Variants in CREBRF observed in about 807,000 individuals in gnomAD.
The protein encoded by CREBRF is UPF0474 protein C5orf41.
A neutral mutation model predicts 66.1 loss-of-function variants in CREBRF; 5 were observed. The ratio of observed to expected loss-of-function variants is 0.08; its 90% CI spans 0.04 to 0.16. The LOEUF is 0.16. Among genes scored for constraint, CREBRF ranks in the 10% least tolerant of loss-of-function variants. The pLI is 1.00. For synonymous variants in CREBRF, 229 were observed against 264.4 expected (o/e 0.87, Z 1.30); for missense variants, 531 against 744.9 (o/e 0.71, Z 3.34).
At chr5:173,082,855 G>C (rs1448931228) in intron 2 of CREBRF, among the ~76,000 whole-genome samples, 2 of 127,634 alleles carry the variant, frequency 1.6e-5, no homozygotes, top group East Asian at 5.3e-4. Context: ...GTTGCAGTGA[G>C]CCAAGATCAC....
At chr5:173,109,806 A>G (rs1405481888) in intron 5 of CREBRF, 1 of 152,784 alleles carries the variant, frequency 6.5e-6, no homozygotes, top group East Asian at 1.9e-4. Flanking sequence ...GGTGTACTAT[A>G]TTGTCTCTCA....
chr5:173,089,815 T>C (rs1243380987), intron 3 of CREBRF, among the ~76,000 whole-genome samples: 1 of 152,188 alleles, frequency 6.6e-6, no homozygotes, highest in Non-Finnish European at 1.5e-5. Flanking sequence ...CCTCTATATT[T>C]AAGTTCCCAC....
intron 3 of CREBRF, among the ~76,000 whole-genome samples, chr5:173,087,500 A>C (rs1022150177): frequency 4.6e-5 from 7 of 151,240 alleles, no homozygotes; most frequent in Non-Finnish European, 1.0e-4. Flanking sequence ...GATTGAGACC[A>C]TCCTGGCCAA....
intron 2 of CREBRF, among the ~76,000 whole-genome samples, chr5:173,084,495 T>C (rs1758067788): frequency 6.6e-6 from 1 of 152,188 alleles, no homozygotes; most frequent in African/African-American, 2.4e-5. Context: ...CTAATCACTT[T>C]TCTGACGATA....
intron 7 of CREBRF, among the ~76,000 whole-genome samples, chr5:173,117,672 T>TTCTC (rs1209741074): frequency 2.4e-5 from 3 of 124,398 alleles, no homozygotes; most frequent in Non-Finnish European, 3.5e-5. Context: ...CTCTTTCTTT[T>TTCTC]TCTCTCTCTC....
In CREBRF at chr5:173,134,287, T is replaced by TAC; in HGVS notation, c.*543_*544insCA. The TAC allele has an allele frequency of 6.1e-6, 1 of 164,498 alleles. No individual in the cohort carries two copies. Among genetic ancestry groups the TAC allele is most frequent in the Non-Finnish European group, 1.2e-5 (1 of 84,088 alleles). 10.2% of individuals were successfully genotyped at this position (164,498 alleles called of 1,614,324 possible). On this transcript the variant is annotated 3_prime_UTR_variant, in exon 9 of 9. Transcript: ENST00000296953. ...ATAAATATATATATATATATATATA[T>TAC]ATACACACACACACACAAATGTCTG...
intron 4 of CREBRF, among the ~76,000 whole-genome samples, chr5:173,103,502 A>G (rs1368981158): frequency 6.6e-6 from 1 of 152,236 alleles, no homozygotes; most frequent in African/African-American, 2.4e-5. Flanking sequence ...TAGTTTCTTC[A>G]GTGCTAGTTT....
chr5:173,086,574 T>C lies in CREBRF; in HGVS notation c.83T>C (p.Met28Thr), dbSNP rs775362830. 3.7e-6 allele frequency: 6 copies of C among 1,614,080 alleles called. No homozygotes were observed. The East Asian group carries it at 8.9e-5, about 24-fold the overall frequency. ...CACACCTTTTCGGAACAAACTCTGA[T>C]GAGCACAGATCTCTTAGCAAACAGT... ...RSHTFSEQTL[M>T]STDLLANSSD... The change falls in exon 3 of 9, where the codon ATG becomes ACG. Residue 28 changes from methionine (M) to threonine (T), a missense_variant. Around this residue, in one of 5 missense-constraint regions of CREBRF, gnomAD observed 133 missense variants for 215.6 expected, o/e 0.62. Coordinates refer to ENST00000296953, the MANE Select transcript of CREBRF (RefSeq NM_153607.3).
At chr5:173,103,312 G>T (rs1758672826) in intron 4 of CREBRF, among the ~76,000 whole-genome samples, 1 of 152,152 alleles carries the variant, frequency 6.6e-6, no homozygotes, top group African/African-American at 2.4e-5. Flanking sequence ...TTAATGAGCA[G>T]CATGCTTTCA....
chr5:173,094,829 T>C (rs987191198), intron 4 of CREBRF, among the ~76,000 whole-genome samples: 1 of 152,210 alleles, frequency 6.6e-6, no homozygotes, highest in Non-Finnish European at 1.5e-5. Flanking sequence ...CTAGTGCTTT[T>C]AGAATTATAC....
At chr5:173,070,819 G>GTA (rs1757576694) in intron 1 of CREBRF, among the ~76,000 whole-genome samples, 1 of 152,054 alleles carries the variant, frequency 6.6e-6, no homozygotes, top group Admixed American at 6.5e-5. Flanking sequence ...TGACTTTTTT[G>GTA]TAATGTCCTC....
At chr5:173,087,521 T>C (rs1300935134) in intron 3 of CREBRF, among the ~76,000 whole-genome samples, 1 of 147,176 alleles carries the variant, frequency 6.8e-6, no homozygotes. Context: ...CATGGTGAAA[T>C]TCCGTCTCTG....
intron 1 of CREBRF, among the ~76,000 whole-genome samples, chr5:173,058,019 G>A (rs1451279756): frequency 2.0e-5 from 3 of 150,784 alleles, no homozygotes; most frequent in African/African-American, 7.4e-5. Context: ...TGAAAAATAG[G>A]ATCAAGGCCT....
chr5:173,091,794 C>G (rs1561805129), intron 4 of CREBRF: 1 of 990,956 alleles, frequency 1.0e-6, no homozygotes, highest in Non-Finnish European at 1.2e-6. Context: ...AAAAAATATT[C>G]CTGTTTAGGG....
intron 7 of CREBRF, among the ~76,000 whole-genome samples, chr5:173,122,807 T>C (rs1759172509): frequency 1.5e-5 from 2 of 130,306 alleles, no homozygotes; most frequent in South Asian, 5.2e-4. Context: ...GTCCATGTGT[T>C]CTCATTGTTC....
chr5:173,097,872 T>C (rs1164520545), intron 4 of CREBRF, among the ~76,000 whole-genome samples: 2 of 152,176 alleles, frequency 1.3e-5, no homozygotes, highest in African/African-American at 4.8e-5. Flanking sequence ...GTCTAATTCA[T>C]TTATTTCTGC....
chr5:173,075,557 T>C (rs1481570580), intron 1 of CREBRF, among the ~76,000 whole-genome samples: 1 of 152,170 alleles, frequency 6.6e-6, no homozygotes, highest in African/African-American at 2.4e-5. Context: ...CTATGAAGTA[T>C]AGCAGGATGG....
At chr5:173,096,253 G>T (rs1277157212) in intron 4 of CREBRF, among the ~76,000 whole-genome samples, 1 of 152,166 alleles carries the variant, frequency 6.6e-6, no homozygotes, top group African/African-American at 2.4e-5. Context: ...ACAGGCGTGA[G>T]CCACTGCGCC....
At chr5:173,130,369 TG>T (rs977843620) in intron 8 of CREBRF, among the ~76,000 whole-genome samples, 4 of 152,202 alleles carry the variant, frequency 2.6e-5, no homozygotes, top group Non-Finnish European at 4.4e-5. Context: ...CCTTGTGGAT[TG>T]GCTTTTAACT....
Sources: gnomAD v4.1 joint callset for allele counts (sites outside exome capture counted in the v4.1 genomes callset) on GRCh38, gnomAD v4.1.1 for gene constraint, gnomAD v4.1.1 regional missense constraint, MANE v1.5 for transcripts, NCBI Gene and HGNC (gene_info 2026-07-23, HGNC 2026-07-21) for gene names.